Variants in GABRB1 observed in about 807,000 individuals in gnomAD.
GABRB1 encodes gamma-aminobutyric acid type A receptor subunit beta1, also known as gamma-aminobutyric acid receptor subunit beta-1.
Under a neutral mutation model 51.6 loss-of-function variants are expected in GABRB1, and 17 were observed. The observed-to-expected ratio is 0.33, with a 90% CI of 0.23 to 0.49. The LOEUF is 0.49. Ranked by LOEUF, GABRB1 falls within the 20% of genes least tolerant of loss-of-function variation. The pLI, the probability that GABRB1 is intolerant of heterozygous loss-of-function variation, is 0.99. For missense variants in GABRB1, 410 were observed against 600.6 expected (o/e 0.68, Z 3.32); for synonymous variants, 247 against 218.9 (o/e 1.13, Z -1.14).
chr4:47,077,997 T>C (rs1490016725), intron 3 of GABRB1, among the ~76,000 whole-genome samples: 2 of 119,764 alleles, frequency 1.7e-5, no homozygotes, highest in Middle Eastern at 4.3e-3. Context: ...ATATATAATA[T>C]ATATATATTG....
chr4:47,310,468 A>G (rs1181252542), intron 4 of GABRB1, among the ~76,000 whole-genome samples: 1 of 152,240 alleles, frequency 6.6e-6, no homozygotes, highest in Admixed American at 6.5e-5. Flanking sequence ...CTAAATTAAT[A>G]CTAAAAATAT....
intron 1 of GABRB1, among the ~76,000 whole-genome samples, chr4:47,022,611 C>T (rs779738962): frequency 1.3e-5 from 2 of 151,910 alleles, no homozygotes; most frequent in African/African-American, 2.4e-5. Context: ...TGTCATCTCG[C>T]CCCAGTTAAA....
intron 4 of GABRB1, among the ~76,000 whole-genome samples, chr4:47,275,277 G>A (rs1023914007): frequency 1.3e-5 from 2 of 152,106 alleles, no homozygotes; most frequent in African/African-American, 2.4e-5. Context: ...GCAAATGTGG[G>A]GCTTAAATAA....
chr4:47,317,028 A>G (rs1724917664), intron 4 of GABRB1, among the ~76,000 whole-genome samples: 1 of 151,982 alleles, frequency 6.6e-6, no homozygotes, highest in South Asian at 2.1e-4. Context: ...TGTACTTTAC[A>G]TACTGAGGTC....
chr4:47,254,227 G>A (rs2109867710), intron 4 of GABRB1, among the ~76,000 whole-genome samples: 1 of 152,132 alleles, frequency 6.6e-6, no homozygotes, highest in Admixed American at 6.5e-5. Flanking sequence ...GAGAAAATAA[G>A]TTGAAAGAGG....
intron 1 of GABRB1, among the ~76,000 whole-genome samples, chr4:47,019,549 T>TTC (rs142639522): frequency 0.16 from 20,459 of 128,744 alleles, 2,062 homozygotes; most frequent in East Asian, 0.28. Flanking sequence ...CAGGTTTAGT[T>TTC]TCTCTCTCTC....
At chr4:47,327,398 A>G (rs1302612163) in intron 5 of GABRB1, among the ~76,000 whole-genome samples, 3 of 152,138 alleles carry the variant, frequency 2.0e-5, no homozygotes, top group Non-Finnish European at 4.4e-5. Flanking sequence ...AAAAATTATA[A>G]AAGTGTTAAC....
intron 4 of GABRB1, among the ~76,000 whole-genome samples, chr4:47,217,893 G>C (rs1413666769): frequency 6.6e-6 from 1 of 151,580 alleles, no homozygotes; most frequent in African/African-American, 2.4e-5. Flanking sequence ...ATTCTTAACT[G>C]TAGTCACTCC....
intron 4 of GABRB1, among the ~76,000 whole-genome samples, chr4:47,303,140 T>C (rs576534433): frequency 6.6e-6 from 1 of 151,998 alleles, no homozygotes; most frequent in South Asian, 2.1e-4. Context: ...TACTAAAACT[T>C]TATTTTAAAA....
At chr4:47,380,523 T>C (rs1264780510) in intron 5 of GABRB1, among the ~76,000 whole-genome samples, 1 of 152,206 alleles carries the variant, frequency 6.6e-6, no homozygotes, top group Non-Finnish European at 1.5e-5. Flanking sequence ...ATGTGGGTGA[T>C]AAAGAATTTT....
In GABRB1 at chr4:47,164,907, G is replaced by T. The variant is rs185187014; in HGVS notation, c.461+3438G>T. Among the ~76,000 whole-genome samples the T allele has an allele frequency of 8.5e-4, 129 of 152,140 alleles. 1 individual carries two copies. The highest frequency in any genetic ancestry group is 1.0e-4 in the Non-Finnish European group (7 of 67,978). ...CCTTGGGAGAGACTTCATTCCTTGT[G>T]CCTCTTGCCCTTAGGTCACCCTCCT... On this transcript the variant is annotated intron_variant, in intron 4 of 8. Coordinates refer to ENST00000295454, the MANE Select transcript of GABRB1 (RefSeq NM_000812.4).
At chr4:47,050,796 A>C (rs565627073) in intron 3 of GABRB1, among the ~76,000 whole-genome samples, 49 of 152,138 alleles carry the variant, frequency 3.2e-4, no homozygotes, top group Non-Finnish European at 1.0e-4. Flanking sequence ...TCATAAATTC[A>C]ATTTCAATAT....
chr4:47,243,791 A>G (rs1021039284), intron 4 of GABRB1, among the ~76,000 whole-genome samples: 21 of 152,254 alleles, frequency 1.4e-4, no homozygotes, highest in African/African-American at 4.8e-4. Flanking sequence ...GGGCTGAGAC[A>G]ATGGGGTTTT....
intron 1 of GABRB1, among the ~76,000 whole-genome samples, chr4:47,005,324 A>G (rs1724356073): frequency 6.6e-6 from 1 of 152,210 alleles, no homozygotes; most frequent in African/African-American, 2.4e-5. Flanking sequence ...AGGCTGAGGC[A>G]GGAGAATGGC....
Position 47,346,257 on chromosome 4 carries a change from G to A in GABRB1, c.544+26048G>A, listed in dbSNP as rs557645046. 4.6e-5 allele frequency among the ~76,000 whole-genome samples: 7 copies of A among 152,228 alleles called. 1 individual carries two copies. The highest frequency in any genetic ancestry group is 1.2e-4 in the African/African-American group (5 of 41,536). ...AAACTGTTGAAGTTCTATGATAAAA[G>A]AGATGAATAGGAGTTAATGAAAAAT... is the stretch of plus-strand genomic sequence containing the variant. On this transcript the variant is annotated intron_variant, in intron 5 of 8. Transcript: ENST00000295454.
intron 3 of GABRB1, among the ~76,000 whole-genome samples, chr4:47,081,497 G>C (rs1027172032): frequency 2.0e-5 from 3 of 152,108 alleles, no homozygotes; most frequent in Non-Finnish European, 1.5e-5. Context: ...TTTGTTCTCT[G>C]AATTTTGTGC....
At chr4:47,378,997 T>G (rs188782926) in intron 5 of GABRB1, among the ~76,000 whole-genome samples, 1 of 152,164 alleles carries the variant, frequency 6.6e-6, no homozygotes, top group African/African-American at 2.4e-5. Flanking sequence ...AAATGACTTA[T>G]GTGTTGCTTT....
At chr4:47,323,554 C>A (rs538604789) in intron 5 of GABRB1, among the ~76,000 whole-genome samples, 1 of 152,184 alleles carries the variant, frequency 6.6e-6, no homozygotes, top group Non-Finnish European at 1.5e-5. Context: ...CTATACTGAG[C>A]CTTAAAGTGA....
chr4:47,239,580 T>C (rs1721451037), intron 4 of GABRB1, among the ~76,000 whole-genome samples: 1 of 152,190 alleles, frequency 6.6e-6, no homozygotes, highest in African/African-American at 2.4e-5. Context: ...AATGGCAAGT[T>C]TGCAACTGCT....
Sources: gnomAD v4.1 joint callset for allele counts (sites outside exome capture counted in the v4.1 genomes callset) on GRCh38, gnomAD v4.1.1 for gene constraint, MANE v1.5 for transcripts, NCBI Gene and HGNC (gene_info 2026-07-23, HGNC 2026-07-21) for gene names.